TPCN1: variants seen among roughly 807,000 people sequenced by gnomAD.
The protein encoded by TPCN1 is two pore channel protein 1.
A neutral mutation model predicts 108.8 loss-of-function variants in TPCN1; 52 were observed. That is an observed-to-expected ratio of 0.48 (90% confidence interval 0.38 to 0.60). The LOEUF (loss-of-function observed/expected upper bound fraction) is 0.60. TPCN1 is among the 20% of genes least tolerant of loss of function. The pLI, the probability that TPCN1 is intolerant of heterozygous loss-of-function variation, is 0.00. For synonymous variants in TPCN1, 446 were observed against 433.7 expected, an observed-to-expected ratio of 1.03 and a Z score of -0.35; for missense variants, 806 against 1,072.8, an observed-to-expected ratio of 0.75 and a Z score of 3.47.
At chr12:113,281,961 C>A (rs1426820612) in intron 15 of TPCN1, among the ~76,000 whole-genome samples, 6 of 148,068 alleles carry the variant, frequency 4.1e-5, no homozygotes, top group Non-Finnish European at 8.9e-5. Flanking sequence ...ATCTCTGTCA[C>A]CCAGGCTGTG....
intron 2 of TPCN1, among the ~76,000 whole-genome samples, chr12:113,240,728 G>A (rs912820216): frequency 3.3e-5 from 5 of 151,048 alleles, no homozygotes; most frequent in African/African-American, 1.2e-4. Context: ...AAATCAAGCA[G>A]CTCCATCTCC....
At chr12:113,230,323 C>T (rs1255079003) in intron 2 of TPCN1, among the ~76,000 whole-genome samples, 20 of 125,408 alleles carry the variant, frequency 1.6e-4, no homozygotes, top group Admixed American at 1.2e-3. Context: ...GAGTATCACT[C>T]TGTCACCCAG....
At chr12:113,294,425 G>A (rs1407735641) in intron 27 of TPCN1, among the ~76,000 whole-genome samples, 5 of 151,976 alleles carry the variant, frequency 3.3e-5, no homozygotes, top group African/African-American at 9.7e-5. Context: ...CCAGGAGCTC[G>A]AGACCAGCCT....
intron 2 of TPCN1, among the ~76,000 whole-genome samples, chr12:113,257,900 G>T (rs973397157): frequency 2.0e-5 from 3 of 152,004 alleles, no homozygotes; most frequent in Non-Finnish European, 2.9e-5. Context: ...CAAAAAAAAA[G>T]ACTACATACT....
At chr12:113,230,859 C>A in intron 2 of TPCN1, among the ~76,000 whole-genome samples, 1 of 152,302 alleles carries the variant, frequency 6.6e-6, no homozygotes, top group South Asian at 2.1e-4. Flanking sequence ...GCCTCGCAGC[C>A]CATGGGAGTG....
chr12:113,244,123 C>A (rs769202105), intron 2 of TPCN1: 1 of 184,372 alleles, frequency 5.4e-6, no homozygotes, highest in Non-Finnish European at 1.0e-5. Context: ...CTGGACTTGG[C>A]CACTTAGGTC....
rs1222486655 is a variant in TPCN1 at position 113,269,760 on chromosome 12, C to T, written c.663C>T (p.Asn221=). 5.0e-6 allele frequency: 8 copies of T among 1,613,374 alleles called. No individual in the cohort carries two copies. The highest frequency in any genetic ancestry group is 6.8e-6 in the Non-Finnish European group (8 of 1,180,010). ...DCRYCGGVRR[N]LRQIFQSLPP... is the part of the protein sequence containing the mutation. ...GAGCTGGCCCATCTCTCCCCAGCAA[C>T]CTGCGGCAGATCTTCCAGTCCCTGC... Residue 221 remains asparagine (N), a synonymous_variant, in exon 7 of 28, where the codon AAC becomes AAT. Coordinates refer to ENST00000335509, the MANE Select transcript of TPCN1 (RefSeq NM_017901.6). This position sits in a 1 kb window ranked among gnomAD's most constrained non-coding sequence, Gnocchi z 5.0.
chr12:113,228,759 A>G (rs1953568191), intron 2 of TPCN1, among the ~76,000 whole-genome samples: 1 of 152,222 alleles, frequency 6.6e-6, no homozygotes, highest in Admixed American at 6.5e-5. Flanking sequence ...CACAGCTAGT[A>G]AGCAGTAAAG....
Position 113,287,036 on chromosome 12 carries a change from G to A in TPCN1, c.1576G>A (p.Ala526Thr). ...VFAFLGLLAL[A>T]LNMEPFYFIV... ...CGCCTTCCTGGGACTGCTGGCGCTG[G>A]CCCTCAACATGGAGCCCTTCTATTT... The change falls in exon 19 of 28, where the codon GCC becomes ACC. Residue 526 changes from alanine (A) to threonine (T), a missense_variant. Ala to Thr is a moderately conservative substitution (Grantham distance 58). Coordinates refer to ENST00000335509, the MANE Select transcript of TPCN1 (RefSeq NM_017901.6). The A allele has an allele frequency of 1.2e-6, 2 of 1,613,892 alleles. No homozygotes were observed. Among genetic ancestry groups the A allele is most frequent in the South Asian group, 2.2e-5 (2 of 91,088 alleles).
intron 1 of TPCN1, among the ~76,000 whole-genome samples, chr12:113,223,991 A>T (rs1209431352): frequency 6.6e-6 from 1 of 152,252 alleles, no homozygotes; most frequent in Non-Finnish European, 1.5e-5. Context: ...TATAAAAATC[A>T]TACATTTTGG....
chr12:113,252,626 T>G (rs1226371685), intron 2 of TPCN1, among the ~76,000 whole-genome samples: 1 of 152,214 alleles, frequency 6.6e-6, no homozygotes, highest in Admixed American at 6.5e-5. Context: ...TACCTAGGAC[T>G]CTTCTGTGTT....
chr12:113,280,392 G>A (rs1477633215), intron 15 of TPCN1, 197 bp downstream of exon 15: 7 of 473,526 alleles, frequency 1.5e-5, no homozygotes, highest in Non-Finnish European at 2.3e-5. Flanking sequence ...TCTTCACTCC[G>A]GCTCATCATC....
chr12:113,292,029 G>C lies in TPCN1; in HGVS notation c.2113+71G>C, dbSNP rs999671987. 9.5e-6 allele frequency: 13 copies of C among 1,363,102 alleles called. No homozygotes were observed. In the African/African-American group the frequency reaches 1.6e-4, roughly 16 times the overall value. The allele number at this position is 1,363,102 out of a possible 1,614,324, so 84.4% of individuals were successfully genotyped here. On this transcript the variant is annotated intron_variant, in intron 25 of 27. Transcript: ENST00000335509. The stretch of plus-strand genomic sequence containing the variant: ...CCCAGCTCTGTCTGTCTGTCTGGGT[G>C]GCTGTCCAGCCAGCCATCAGGCTGT...
intron 2 of TPCN1, among the ~76,000 whole-genome samples, chr12:113,248,427 T>A (rs184414346): frequency 1.4e-4 from 22 of 152,374 alleles, no homozygotes; most frequent in African/African-American, 5.3e-4. Flanking sequence ...GGCCCACGAT[T>A]AAACAGATAC....
chr12:113,260,278 AAGGG>A, intron 2 of TPCN1, 86 bp from the exon 3 acceptor site: 1 of 1,393,772 alleles, frequency 7.2e-7, no homozygotes, highest in Non-Finnish European at 9.4e-7. Context: ...TGAGCATATG[AAGGG>A]ACTGCCAGGC....
At chr12:113,293,740 C>G (rs1167800359) in intron 27 of TPCN1, among the ~76,000 whole-genome samples, 8 of 152,198 alleles carry the variant, frequency 5.3e-5, no homozygotes, top group Admixed American at 5.2e-4. Context: ...AGACAGTCTC[C>G]TCCCAGCTCC....
intron 2 of TPCN1, among the ~76,000 whole-genome samples, chr12:113,248,759 T>G (rs1164745853): frequency 6.6e-6 from 1 of 152,154 alleles, no homozygotes; most frequent in Admixed American, 6.5e-5. Context: ...AGAGGAGTGA[T>G]ACCATTTGGC....
intron 2 of TPCN1, among the ~76,000 whole-genome samples, chr12:113,257,844 A>G (rs1470114376): frequency 6.6e-6 from 1 of 152,234 alleles, no homozygotes; most frequent in Non-Finnish European, 1.5e-5. Context: ...ACACAGTGCA[A>G]TGTGGATGAG....
intron 2 of TPCN1, among the ~76,000 whole-genome samples, chr12:113,250,312 C>T (rs1304863153): frequency 2.6e-5 from 4 of 152,238 alleles, no homozygotes; most frequent in Admixed American, 1.3e-4. Flanking sequence ...AAGCCATCTG[C>T]ACCCACCTGC....
Sources: allele counts gnomAD v4.1 joint callset (sites outside exome capture counted in the v4.1 genomes callset), GRCh38; gene constraint gnomAD v4.1.1; non-coding constraint Gnocchi (gnomAD v3.1); transcripts MANE v1.5; gene names NCBI Gene and HGNC (gene_info 2026-07-23, HGNC 2026-07-21).